Variants in SULF2 observed in about 807,000 individuals in gnomAD.
SULF2 encodes extracellular sulfatase Sulf-2.
A neutral mutation model predicts 107.7 loss-of-function variants in SULF2; 52 were observed. The ratio of observed to expected loss-of-function variants is 0.48; its 90% CI spans 0.39 to 0.61. The LOEUF is 0.61. Among genes scored for constraint, SULF2 ranks in the 20% least tolerant of loss-of-function variants. SULF2 has a pLI of 0.00. For synonymous variants in SULF2, 460 were observed against 464.3 expected, an observed-to-expected ratio of 0.99 and a Z score of 0.12; for missense variants, 993 against 1,177.3, an observed-to-expected ratio of 0.84 and a Z score of 2.29.
At position 47,781,109 on chromosome 20, in the gene SULF2, A is replaced by T. The variant is rs8117430; in HGVS notation, c.-101+4234T>A. On this transcript the variant is annotated intron_variant, in intron 1 of 20. Coordinates refer to ENST00000688720, the MANE Select transcript of SULF2 (RefSeq NM_001387048.1). ...ACAAACACTGCCCCTGGCCCCCCGA[A>T]AGCACAGGATCAAGGCCAGGCCCCA... is the stretch of plus-strand genomic sequence containing the variant. Among the ~76,000 whole-genome samples, 37 of 152,344 alleles carry T rather than the reference A, an allele frequency of 2.4e-4. No individual in the cohort carries two copies. In the East Asian group the frequency reaches 5.4e-3, roughly 22 times the overall value.
At chr20:47,780,736 TAGAG>T (rs1305872018) in intron 1 of SULF2, among the ~76,000 whole-genome samples, 4 of 152,012 alleles carry the variant, frequency 2.6e-5, no homozygotes, top group African/African-American at 7.2e-5. Context: ...GTATTTTTAG[TAGAG>T]AGAGGGTTTT....
intron 6 of SULF2, 81 bp from the exon 7 acceptor site, chr20:47,683,250 GA>G: frequency 1.4e-6 from 2 of 1,411,656 alleles, no homozygotes; most frequent in Non-Finnish European, 1.9e-6. Context: ...AGGCGCTTGA[GA>G]TCTCAGGCCC....
chr20:47,675,367 A>C (rs550391600), intron 10 of SULF2, among the ~76,000 whole-genome samples: 4 of 152,292 alleles, frequency 2.6e-5, no homozygotes, highest in Admixed American at 2.6e-4. Flanking sequence ...GGACGCATTC[A>C]TGCTGTACAA....
At chr20:47,764,017 C>G (rs1366111301) in intron 1 of SULF2, among the ~76,000 whole-genome samples, 1 of 152,236 alleles carries the variant, frequency 6.6e-6, no homozygotes, top group African/African-American at 2.4e-5. Flanking sequence ...CTGGTTCCAG[C>G]CACACGGTCT....
At chr20:47,760,971 C>A (rs191903262) in intron 1 of SULF2, among the ~76,000 whole-genome samples, 10 of 152,318 alleles carry the variant, frequency 6.6e-5, no homozygotes, top group African/African-American at 2.4e-4. Flanking sequence ...TGCTGAAAGA[C>A]CCTGAGCTAG....
rs1237569087 is a variant in SULF2, at chr20:47,664,174, G to A, written c.2013C>T (p.His671=). The part of the protein sequence containing the change: ...DCHKISYHTQ[H]KGRLKHRGSS... Reference sequence around the variant, plus strand: ...AGCCTCTGTGCTTGAGGCGGCCTTTGTGCTGGGTGTGGTAGCTGTAACAGA... The same window carrying A: ...AGCCTCTGTGCTTGAGGCGGCCTTTATGCTGGGTGTGGTAGCTGTAACAGA... The change falls in exon 15 of 21, where the codon CAC becomes CAT. Residue 671 remains histidine, a synonymous_variant. Transcript: ENST00000688720. The A allele has an allele frequency of 2.5e-6, 4 of 1,612,660 alleles. No individual in the cohort carries two copies. Among genetic ancestry groups the A allele is most frequent in the Non-Finnish European group, 2.5e-6 (3 of 1,179,630 alleles).
chr20:47,774,131 T>C (rs2090682321), intron 1 of SULF2, among the ~76,000 whole-genome samples: 1 of 152,244 alleles, frequency 6.6e-6, no homozygotes, highest in South Asian at 2.1e-4. Context: ...AATCACCTGC[T>C]ACATTTGGAG....
chr20:47,743,048 TGCG>T, intron 2 of SULF2, among the ~76,000 whole-genome samples: 1 of 148,160 alleles, frequency 6.7e-6, no homozygotes, highest in Middle Eastern at 3.6e-3. Flanking sequence ...GACAAATCCC[TGCG>T]GCCCTCAACT....
intron 2 of SULF2, among the ~76,000 whole-genome samples, chr20:47,744,488 T>G (rs1047255900): frequency 6.6e-6 from 1 of 152,172 alleles, no homozygotes; most frequent in Non-Finnish European, 1.5e-5. Context: ...AGGGCAGGAT[T>G]TGGCACTTGG....
intron 1 of SULF2, among the ~76,000 whole-genome samples, chr20:47,772,008 G>A (rs1388469447): frequency 6.6e-6 from 1 of 152,226 alleles, no homozygotes; most frequent in Non-Finnish European, 1.5e-5. Context: ...TGCTCCGAAA[G>A]GGATGACAGG....
chr20:47,696,732 C>G (rs1253125753), intron 4 of SULF2, among the ~76,000 whole-genome samples: 1 of 152,086 alleles, frequency 6.6e-6, no homozygotes, highest in African/African-American at 2.4e-5. Flanking sequence ...TCCAGGAAGG[C>G]TAAAGTGAGG....
At chr20:47,773,769 G>A (rs531063491) in intron 1 of SULF2, among the ~76,000 whole-genome samples, 1 of 152,396 alleles carries the variant, frequency 6.6e-6, no homozygotes, top group Admixed American at 6.5e-5. Flanking sequence ...CTGGTTCTCA[G>A]TGTAGACTGC....
chr20:47,705,831 C>T (rs1275097554), intron 3 of SULF2, among the ~76,000 whole-genome samples: 11 of 147,162 alleles, frequency 7.5e-5, no homozygotes, highest in African/African-American at 1.7e-4. Flanking sequence ...GAGAGGGTCT[C>T]GCTGTTTTCC....
chr20:47,759,056 A>T (rs995116731), intron 1 of SULF2, among the ~76,000 whole-genome samples: 3 of 152,114 alleles, frequency 2.0e-5, no homozygotes, highest in African/African-American at 7.2e-5. Flanking sequence ...CAGCCGGAGG[A>T]ATCTTCCTAA....
At chr20:47,684,362 A>T in intron 6 of SULF2, 69 bp downstream of exon 6, 1 of 1,474,592 alleles carries the variant, frequency 6.8e-7, no homozygotes, top group Non-Finnish European at 9.0e-7. Flanking sequence ...AAGGGCCAGG[A>T]GGTCTCGGCC....
At chr20:47,707,067 G>A (rs1391028227) in intron 3 of SULF2, among the ~76,000 whole-genome samples, 2 of 152,098 alleles carry the variant, frequency 1.3e-5, no homozygotes, top group Non-Finnish European at 2.9e-5. Context: ...TCAGCTCACT[G>A]CAACCTCTGC....
At chr20:47,769,579 G>A (rs1323416613) in intron 1 of SULF2, among the ~76,000 whole-genome samples, 1 of 152,070 alleles carries the variant, frequency 6.6e-6, no homozygotes, top group African/African-American at 2.4e-5. Flanking sequence ...CTGACGCCAC[G>A]GCCCCAGCTC....
chr20:47,772,067 T>C (rs6090730), intron 1 of SULF2, among the ~76,000 whole-genome samples: 28,074 of 152,158 alleles, frequency 0.18, 4,250 homozygotes, highest in African/African-American at 0.42. Context: ...CGTCTCAGAA[T>C]AAATAAATGA....
intron 3 of SULF2, among the ~76,000 whole-genome samples, chr20:47,709,496 G>C (rs2088855640): frequency 6.6e-6 from 1 of 152,134 alleles, no homozygotes; most frequent in Admixed American, 6.5e-5. Flanking sequence ...AAGTTGCACG[G>C]GCTGACCTTG....
Sources: allele counts gnomAD v4.1 joint callset (sites outside exome capture counted in the v4.1 genomes callset), GRCh38; gene constraint gnomAD v4.1.1; transcripts MANE v1.5; gene names NCBI Gene and HGNC (gene_info 2026-07-23, HGNC 2026-07-21).